Variants in SLC8A3 observed in about 807,000 individuals in gnomAD.
The protein encoded by SLC8A3 is sodium/calcium exchanger 3.
A neutral mutation model predicts 65.4 loss-of-function variants in SLC8A3; 37 were observed. The observed-to-expected ratio is 0.57, with a 90% CI of 0.44 to 0.74. SLC8A3 has a LOEUF of 0.74. SLC8A3 is among the 30% of genes least tolerant of loss of function. The probability of loss-of-function intolerance (pLI) is 0.00; values close to 1 mark genes in which losing one functional copy is unlikely to be tolerated. For missense variants in SLC8A3, 1,112 were observed against 1,172.1 expected (o/e 0.95, Z 0.75); for synonymous variants, 461 against 444.5 (o/e 1.04, Z -0.47).
At chr14:70,112,750 T>C (rs1893393638) in intron 2 of SLC8A3, among the ~76,000 whole-genome samples, 1 of 152,216 alleles carries the variant, frequency 6.6e-6, no homozygotes, top group Non-Finnish European at 1.5e-5. Context: ...ATCCTGTCTC[T>C]GAAGGCCCCA....
intron 2 of SLC8A3, among the ~76,000 whole-genome samples, chr14:70,118,597 T>C (rs1893820762): frequency 6.6e-6 from 1 of 152,168 alleles, no homozygotes; most frequent in Admixed American, 6.5e-5. Flanking sequence ...TAGTGGCAAA[T>C]ATTAATAGAT....
chr14:70,089,536 T>A (rs1891674494), intron 2 of SLC8A3, among the ~76,000 whole-genome samples: 1 of 152,138 alleles, frequency 6.6e-6, no homozygotes, highest in East Asian at 1.9e-4. Flanking sequence ...AGGAAGAACT[T>A]CCAGAAGAGA....
intron 1 of SLC8A3, among the ~76,000 whole-genome samples, chr14:70,179,413 G>A (rs544567735): frequency 6.6e-6 from 1 of 152,196 alleles, no homozygotes; most frequent in Non-Finnish European, 1.5e-5. Context: ...CTTGGCTAGT[G>A]CTGGCAGAGG....
chr14:70,132,557 G>A (rs577158229), intron 2 of SLC8A3, among the ~76,000 whole-genome samples: 7 of 152,256 alleles, frequency 4.6e-5, no homozygotes, highest in African/African-American at 1.2e-4. Context: ...CTCTGGCTGC[G>A]GTGACCTGCT....
intron 2 of SLC8A3, among the ~76,000 whole-genome samples, chr14:70,081,269 C>G (rs1222553664): frequency 6.6e-6 from 1 of 152,158 alleles, no homozygotes; most frequent in Admixed American, 6.5e-5. Context: ...GTAAAAGTGC[C>G]AATTCCTAAG....
intron 1 of SLC8A3, among the ~76,000 whole-genome samples, chr14:70,179,999 T>A (rs1049859495): frequency 5.3e-5 from 8 of 152,062 alleles, no homozygotes; most frequent in African/African-American, 1.7e-4. Flanking sequence ...AGAGGAAGCA[T>A]CCCCTGCAAC....
At chr14:70,055,507 C>T (rs1566738037) in intron 3 of SLC8A3, among the ~76,000 whole-genome samples, 3 of 152,068 alleles carry the variant, frequency 2.0e-5, no homozygotes, top group Admixed American at 2.0e-4. Context: ...AGTCTATGAC[C>T]CACCATCTCC....
At chr14:70,140,268 C>T (rs61978163) in intron 2 of SLC8A3, among the ~76,000 whole-genome samples, 2 of 152,148 alleles carry the variant, frequency 1.3e-5, no homozygotes, top group East Asian at 3.8e-4. Context: ...CATTGTGATA[C>T]CTTCAGAATT....
At chr14:70,174,679 T>G (rs923850857) in intron 1 of SLC8A3, among the ~76,000 whole-genome samples, 89 of 114,310 alleles carry the variant, frequency 7.8e-4, no homozygotes, top group Non-Finnish European at 1.2e-3. Flanking sequence ...TTTTTTTTTT[T>G]TTTTTTTTTT....
At chr14:70,115,002 C>G (rs1366819084) in intron 2 of SLC8A3, among the ~76,000 whole-genome samples, 5 of 151,962 alleles carry the variant, frequency 3.3e-5, no homozygotes, top group Non-Finnish European at 7.4e-5. Flanking sequence ...TCAGGAGACA[C>G]GACCAATAAT....
At chr14:70,150,497 TC>T (rs1420435832) in intron 2 of SLC8A3, among the ~76,000 whole-genome samples, 2 of 152,180 alleles carry the variant, frequency 1.3e-5, no homozygotes, top group African/African-American at 4.8e-5. Context: ...TGTCTTGAAC[TC>T]ATCAAGACAG....
intron 2 of SLC8A3, among the ~76,000 whole-genome samples, chr14:70,118,535 G>A (rs1893814258): frequency 6.6e-6 from 1 of 152,098 alleles, no homozygotes; most frequent in South Asian, 2.1e-4. Flanking sequence ...GTTTCTGTGG[G>A]GTCAATCTGA....
chr14:70,169,701 G>T (rs1174730677), intron 1 of SLC8A3, among the ~76,000 whole-genome samples: 1 of 142,692 alleles, frequency 7.0e-6, no homozygotes, highest in Non-Finnish European at 1.5e-5. Flanking sequence ...TGGGGGGGGG[G>T]GCGATCTTTC....
At chr14:70,131,756 G>A (rs1264450053) in intron 2 of SLC8A3, among the ~76,000 whole-genome samples, 1 of 152,228 alleles carries the variant, frequency 6.6e-6, no homozygotes, top group Non-Finnish European at 1.5e-5. Context: ...GTATATGCGT[G>A]AAAATCAGGT....
chr14:70,097,301 AAC>A (rs1241509768), intron 2 of SLC8A3, among the ~76,000 whole-genome samples: 2 of 151,922 alleles, frequency 1.3e-5, no homozygotes, highest in Non-Finnish European at 2.9e-5. Flanking sequence ...AAAAAAAAAA[AAC>A]ACCTCTTTGA....
At chr14:70,071,148 A>G (rs532694789) in intron 2 of SLC8A3, among the ~76,000 whole-genome samples, 1 of 152,332 alleles carries the variant, frequency 6.6e-6, no homozygotes, top group East Asian at 1.9e-4. Context: ...TTATTCAAAA[A>G]GGCCTTTGGG....
At chr14:70,090,919 T>C (rs1305207721) in intron 2 of SLC8A3, among the ~76,000 whole-genome samples, 2 of 152,196 alleles carry the variant, frequency 1.3e-5, no homozygotes, top group Non-Finnish European at 2.9e-5. Flanking sequence ...TCACACACAA[T>C]ATTTTGTATA....
chr14:70,160,222 A>G (rs11845054), intron 2 of SLC8A3, among the ~76,000 whole-genome samples: 10,260 of 152,150 alleles, frequency 0.067, 408 homozygotes, highest in African/African-American at 0.1. Flanking sequence ...AGGTGGGCGG[A>G]TCACTTGAGG....
chr14:70,133,942 C>T (rs1296317750), intron 2 of SLC8A3, among the ~76,000 whole-genome samples: 1 of 152,206 alleles, frequency 6.6e-6, no homozygotes, highest in Non-Finnish European at 1.5e-5. Context: ...TATTCCCCAT[C>T]CCCAGGGGTC....
Sources: gnomAD v4.1 joint callset for allele counts (sites outside exome capture counted in the v4.1 genomes callset) on GRCh38, gnomAD v4.1.1 for gene constraint, MANE v1.5 for transcripts, NCBI Gene and HGNC (gene_info 2026-07-23, HGNC 2026-07-21) for gene names.